The following ORC3 variants were observed in gnomAD, a reference collection of about 807,000 sequenced individuals.
The protein encoded by ORC3 is origin recognition complex subunit 3.
A neutral mutation model predicts 100.7 loss-of-function variants in ORC3; 78 were observed. The ratio of observed to expected loss-of-function variants is 0.77; its 90% CI spans 0.65 to 0.94. ORC3 has a LOEUF of 0.94. Among genes scored for constraint, ORC3 ranks in the 40% least tolerant of loss-of-function variants. ORC3 has a pLI of 0.00. For missense variants in ORC3, 789 were observed against 823.9 expected, an observed-to-expected ratio of 0.96 and a Z score of 0.52; for synonymous variants, 295 against 289.3, an observed-to-expected ratio of 1.02 and a Z score of -0.20.
chr6:87,604,899 T>C (rs1778220512), intron 4 of ORC3, among the ~76,000 whole-genome samples: 1 of 152,268 alleles, frequency 6.6e-6, no homozygotes, highest in South Asian at 2.1e-4. Context: ...CTGAAATTTT[T>C]CTTTTTCTTC....
intron 13 of ORC3, among the ~76,000 whole-genome samples, chr6:87,638,129 G>A (rs958360396): frequency 2.6e-5 from 4 of 152,184 alleles, no homozygotes; most frequent in African/African-American, 9.7e-5. Context: ...AATAGAAAAT[G>A]AGATTTCATT....
chr6:87,633,475 A>C (rs1421590468), intron 11 of ORC3, among the ~76,000 whole-genome samples: 3 of 152,234 alleles, frequency 2.0e-5, no homozygotes, highest in Admixed American at 6.5e-5. Context: ...GAAAACATTT[A>C]GGTGCTAAAA....
downstream of ORC3, among the ~76,000 whole-genome samples, chr6:87,671,589 G>A (rs945968314): frequency 5.9e-5 from 9 of 152,050 alleles, no homozygotes; most frequent in Non-Finnish European, 1.0e-4. Context: ...AAGCTCGGGG[G>A]CACACCTATG....
rs771689518 is a variant in ORC3 at position 87,663,068 on chromosome 6, C to G, written c.1757C>G (p.Ala586Gly). 195 of 1,612,194 alleles carry G rather than the reference C, an allele frequency of 1.2e-4. 1 individual carries two copies. Among genetic ancestry groups the G allele is most frequent in the Non-Finnish European group, 1.6e-4 (194 of 1,178,530 alleles). ...HEVVYFSAAH[A>G]LREHLNAAPR... ...GTGGTGTACTTCAGTGCTGCCCATGCCCTTCGTGAGCATTTAAATGCTGCT... is the reference window on the plus strand; with the variant it reads ...GTGGTGTACTTCAGTGCTGCCCATGGCCTTCGTGAGCATTTAAATGCTGCT... The change falls in exon 17 of 20, where the codon GCC becomes GGC. Residue 586 changes from alanine (A) to glycine (G), a missense_variant. By Grantham distance (60) the Ala-to-Gly change is moderately conservative. Around this residue, in one of 3 missense-constraint regions of ORC3, gnomAD observed 366 missense variants for 394.2 expected, o/e 0.93. Transcript: ENST00000392844.
At chr6:87,624,882 C>T (rs6913873) in intron 11 of ORC3, among the ~76,000 whole-genome samples, 10,730 of 152,146 alleles carry the variant, frequency 0.071, 411 homozygotes, top group East Asian at 0.095. Context: ...GTGTGATGTT[C>T]CCCACCCTGT....
intron 8 of ORC3, among the ~76,000 whole-genome samples, chr6:87,613,141 AAG>A (rs1345312409): frequency 6.6e-6 from 1 of 152,236 alleles, no homozygotes; most frequent in African/African-American, 2.4e-5. Context: ...TTACAAAAGA[AAG>A]AGGTTTAATG....
At chr6:87,646,561 G>T (rs1768805643) in intron 13 of ORC3, among the ~76,000 whole-genome samples, 1 of 152,168 alleles carries the variant, frequency 6.6e-6, no homozygotes, top group Non-Finnish European at 1.5e-5. Context: ...TTGTGCTCCA[G>T]ATCACAACTA....
At chr6:87,652,397 T>G (rs940143154) in intron 13 of ORC3, among the ~76,000 whole-genome samples, 3 of 152,214 alleles carry the variant, frequency 2.0e-5, no homozygotes, top group Non-Finnish European at 4.4e-5. Flanking sequence ...ATCTGTATTT[T>G]CTCTCCATTT....
intron 14 of ORC3, among the ~76,000 whole-genome samples, chr6:87,654,703 T>C (rs935480765): frequency 6.6e-6 from 1 of 152,162 alleles, no homozygotes; most frequent in African/African-American, 2.4e-5. Flanking sequence ...CTTAGAAAAA[T>C]AGAAGGTAAA....
chr6:87,596,674 TAAAAA>T (rs1006362929), intron 2 of ORC3, among the ~76,000 whole-genome samples: 1 of 152,060 alleles, frequency 6.6e-6, no homozygotes, highest in African/African-American at 2.4e-5. Context: ...ATTCAATTAA[TAAAAA>T]AAGATACTGT....
intron 11 of ORC3, among the ~76,000 whole-genome samples, chr6:87,622,994 T>G (rs925395379): frequency 1.3e-5 from 2 of 152,164 alleles, no homozygotes; most frequent in South Asian, 4.1e-4. Context: ...GATAGTAAGA[T>G]GAGATTGAAG....
intron 2 of ORC3, among the ~76,000 whole-genome samples, chr6:87,600,893 T>C (rs1777848449): frequency 6.6e-6 from 1 of 152,210 alleles, no homozygotes; most frequent in South Asian, 2.1e-4. Flanking sequence ...TGTATATGTG[T>C]TAGGTTATGA....
the ORC3 span, among the ~76,000 whole-genome samples, chr6:87,676,271 T>C: frequency 3.3e-4 from 49 of 150,380 alleles, no homozygotes; most frequent in South Asian, 1.1e-3. Context: ...GAGACCATCC[T>C]GGCTAACACG....
intron 8 of ORC3, among the ~76,000 whole-genome samples, chr6:87,615,075 C>A (rs1779065123): frequency 6.6e-6 from 1 of 152,178 alleles, no homozygotes; most frequent in Admixed American, 6.5e-5. Flanking sequence ...GTTTAATGGA[C>A]TCAGTTCCAC....
intron 2 of ORC3, among the ~76,000 whole-genome samples, chr6:87,599,644 G>C (rs1162245144): frequency 6.6e-6 from 1 of 151,182 alleles, no homozygotes; most frequent in Non-Finnish European, 1.5e-5. Context: ...GGGATTACAG[G>C]CATGTGCCAC....
chr6:87,612,140 T>C lies in ORC3; in HGVS notation c.765T>C (p.Ser255=). The C allele has an allele frequency of 6.2e-7, 1 of 1,613,634 alleles. No homozygotes were observed. Residue 255 remains serine (S), a synonymous_variant, in exon 8 of 20, where the codon TCT becomes TCC. Coordinates refer to ENST00000392844, the MANE Select transcript of ORC3 (RefSeq NM_012381.4). ...PLILIFGIAT[S]PIIIHRLLPH... ...TACTCATTTTTGGAATAGCCACATC[T>C]CCTATTATCATCCACCGATTGCTTC... is the stretch of plus-strand genomic sequence containing the variant.
the ORC3 span, chr6:87,675,304 A>C: frequency 6.7e-6 from 3 of 448,222 alleles, no homozygotes; most frequent in Non-Finnish European, 1.2e-5. Context: ...CATGTTCTAG[A>C]ATACCAGCTT....
chr6:87,598,433 G>A (rs905961550), intron 2 of ORC3, among the ~76,000 whole-genome samples: 1 of 152,164 alleles, frequency 6.6e-6, no homozygotes. Flanking sequence ...TATAATGTTA[G>A]TAAATGATAG....
intron 5 of ORC3, among the ~76,000 whole-genome samples, chr6:87,606,661 C>G (rs1436060406): frequency 1.1e-4 from 17 of 152,122 alleles, no homozygotes; most frequent in Non-Finnish European, 2.5e-4. Flanking sequence ...TCCCCAGTAC[C>G]TAGGACTACA....
Sources: gnomAD v4.1 joint callset for allele counts (sites outside exome capture counted in the v4.1 genomes callset) on GRCh38, gnomAD v4.1.1 for gene constraint, gnomAD v4.1.1 regional missense constraint, MANE v1.5 for transcripts, NCBI Gene and HGNC (gene_info 2026-07-23, HGNC 2026-07-21) for gene names.